Variants in SV2C observed in about 807,000 individuals in gnomAD.
The protein encoded by SV2C is synaptic vesicle glycoprotein 2C, also known as solute carrier family 22 member B3.
In SV2C, 49 loss-of-function variants were observed where a neutral mutation model predicts 79.7. The ratio of observed to expected loss-of-function variants is 0.61; its 90% CI spans 0.49 to 0.78. SV2C has a LOEUF of 0.78. Ranked by LOEUF, SV2C falls within the 30% of genes least tolerant of loss-of-function variation. The pLI is 0.00. For missense variants in SV2C, 833 were observed against 912.9 expected (o/e 0.91, Z 1.13); for synonymous variants, 334 against 333.2 (o/e 1.00, Z -0.03).
At chr5:75,868,583 AAACT>A in the SV2C span, among the ~76,000 whole-genome samples, 4 of 152,240 alleles carry the variant, frequency 2.6e-5, no homozygotes, top group South Asian at 2.1e-4. Context: ...TTCCAATAGT[AAACT>A]AACTAAGAAA....
the SV2C span, among the ~76,000 whole-genome samples, chr5:75,878,074 C>T: frequency 0.22 from 32,895 of 151,722 alleles, 6,087 homozygotes; most frequent in African/African-American, 0.51. Context: ...ATTGTATGCA[C>T]GCCAATTATA....
At chr5:76,087,095 T>A (rs534658966) in intron 1 of SV2C, among the ~76,000 whole-genome samples, 2 of 152,364 alleles carry the variant, frequency 1.3e-5, no homozygotes, top group South Asian at 4.1e-4. Flanking sequence ...TTAAAATAAA[T>A]TAACTCATGT....
intron 4 of SV2C, among the ~76,000 whole-genome samples, chr5:76,282,426 C>T (rs1219144497): frequency 2.0e-5 from 3 of 152,224 alleles, no homozygotes; most frequent in African/African-American, 7.2e-5. Context: ...CAGTCTGGGA[C>T]CCCAGCTCTT....
the SV2C span, among the ~76,000 whole-genome samples, chr5:75,891,072 G>A: frequency 6.6e-6 from 1 of 152,210 alleles, no homozygotes; most frequent in South Asian, 2.1e-4. Flanking sequence ...GTAGTTGACT[G>A]AATGTCTTGA....
the SV2C span, among the ~76,000 whole-genome samples, chr5:75,994,730 C>T: frequency 1.3e-5 from 2 of 152,112 alleles, no homozygotes; most frequent in Admixed American, 6.6e-5. Flanking sequence ...CAGTAGGAAA[C>T]GTACAGCTAT....
chr5:75,973,180 G>T, the SV2C span, among the ~76,000 whole-genome samples: 2 of 151,854 alleles, frequency 1.3e-5, no homozygotes, highest in Non-Finnish European at 2.9e-5. Context: ...CGGTTGTGGG[G>T]TGGGGAAGGG....
chr5:75,959,732 A>G, the SV2C span, among the ~76,000 whole-genome samples: 1 of 152,124 alleles, frequency 6.6e-6, no homozygotes. Flanking sequence ...TGAGGGGTCC[A>G]TTGCTCACAT....
intron 12 of SV2C, among the ~76,000 whole-genome samples, chr5:76,351,462 T>A (rs1252092390): frequency 1.3e-5 from 2 of 149,898 alleles, no homozygotes; most frequent in East Asian, 3.9e-4. Flanking sequence ...AAAAAAAAAA[T>A]AGTCTCAATG....
the SV2C span, among the ~76,000 whole-genome samples, chr5:76,060,334 C>T: frequency 6.6e-6 from 1 of 152,130 alleles, no homozygotes; most frequent in Non-Finnish European, 1.5e-5. Flanking sequence ...TTCGTCTACA[C>T]TGAAAATACG....
intron 1 of SV2C, among the ~76,000 whole-genome samples, chr5:76,110,084 G>T (rs1288938622): frequency 6.6e-6 from 1 of 152,144 alleles, no homozygotes; most frequent in East Asian, 1.9e-4. Flanking sequence ...AACTGTAAGT[G>T]GTGTCCCTCT....
chr5:76,019,161 C>T, the SV2C span, among the ~76,000 whole-genome samples: 2 of 151,986 alleles, frequency 1.3e-5, no homozygotes, highest in Non-Finnish European at 2.9e-5. Context: ...AGCTGTAGTA[C>T]AGGAGGGAGA....
chr5:76,156,874 G>C (rs1742742797), intron 2 of SV2C, among the ~76,000 whole-genome samples: 1 of 151,956 alleles, frequency 6.6e-6, no homozygotes, highest in Non-Finnish European at 1.5e-5. Context: ...ACAAGCTGAA[G>C]AGAGAAAAAA....
intron 12 of SV2C, among the ~76,000 whole-genome samples, chr5:76,302,462 T>C (rs1171180919): frequency 6.6e-6 from 1 of 151,492 alleles, no homozygotes; most frequent in African/African-American, 2.4e-5. Context: ...CCGTCTCTAC[T>C]AAAAATACAA....
At chr5:76,000,492 G>A in the SV2C span, among the ~76,000 whole-genome samples, 1 of 152,150 alleles carries the variant, frequency 6.6e-6, no homozygotes, top group Non-Finnish European at 1.5e-5. Flanking sequence ...CTGGAGGTGG[G>A]ACCCAGGAAT....
At chr5:76,167,394 G>C (rs1006659488) in intron 2 of SV2C, among the ~76,000 whole-genome samples, 1 of 152,130 alleles carries the variant, frequency 6.6e-6, no homozygotes, top group Non-Finnish European at 1.5e-5. Context: ...TGATTGATTA[G>C]TATGAGGGGG....
the SV2C span, among the ~76,000 whole-genome samples, chr5:75,919,267 T>C: frequency 1.3e-5 from 2 of 152,248 alleles, no homozygotes; most frequent in Non-Finnish European, 2.9e-5. Context: ...TCCTTTCTGC[T>C]GTTCAGGTTG....
intron 2 of SV2C, among the ~76,000 whole-genome samples, chr5:76,187,750 CAA>C (rs5868811): frequency 0.037 from 5,290 of 144,186 alleles, 171 homozygotes; most frequent in African/African-American, 0.088. Context: ...TTTCAAATTG[CAA>C]AAAAAAAAAA....
chr5:75,962,371 G>GA, the SV2C span, among the ~76,000 whole-genome samples: 1 of 151,952 alleles, frequency 6.6e-6, no homozygotes, highest in African/African-American at 2.4e-5. Context: ...CCTCGTACAT[G>GA]AAAAAAGAGT....
the SV2C span, among the ~76,000 whole-genome samples, chr5:75,922,362 T>A: frequency 8.5e-5 from 13 of 152,154 alleles, no homozygotes; most frequent in African/African-American, 2.9e-4. Context: ...TGTAAGTGGC[T>A]AATTTTAATT....
Sources: gnomAD v4.1 joint callset for allele counts (sites outside exome capture counted in the v4.1 genomes callset) on GRCh38, gnomAD v4.1.1 for gene constraint, MANE v1.5 for transcripts, NCBI Gene and HGNC (gene_info 2026-07-23, HGNC 2026-07-21) for gene names.